SLIT3: variants seen among roughly 807,000 people sequenced by gnomAD.
The protein encoded by SLIT3 is slit guidance ligand 3.
Under a neutral mutation model 184.0 loss-of-function variants are expected in SLIT3, and 68 were observed. That is an observed-to-expected ratio of 0.37 (90% confidence interval 0.30 to 0.45). The LOEUF (loss-of-function observed/expected upper bound fraction) is 0.45. Among genes scored for constraint, SLIT3 ranks in the 20% least tolerant of loss-of-function variants. The probability of loss-of-function intolerance (pLI) is 1.00; values close to 1 mark genes in which losing one functional copy is unlikely to be tolerated. For missense variants in SLIT3, 1,707 were observed against 2,026.0 expected, an observed-to-expected ratio of 0.84 and a Z score of 3.02; for synonymous variants, 831 against 828.6, an observed-to-expected ratio of 1.00 and a Z score of -0.05.
intron 4 of SLIT3, among the ~76,000 whole-genome samples, chr5:169,137,402 C>T (rs778221324): frequency 1.5e-4 from 22 of 150,800 alleles, no homozygotes; most frequent in South Asian, 6.4e-4. Context: ...TATCTATTTC[C>T]GGCAAGATCC....
At chr5:169,278,630 A>AC (rs1182882883) in intron 1 of SLIT3, among the ~76,000 whole-genome samples, 9 of 151,910 alleles carry the variant, frequency 5.9e-5, no homozygotes, top group African/African-American at 2.2e-4. Flanking sequence ...ACTTCCTCTG[A>AC]CCCCCCAAGG....
chr5:169,110,498 A>T (rs187469163), intron 4 of SLIT3, among the ~76,000 whole-genome samples: 1 of 152,046 alleles, frequency 6.6e-6, no homozygotes, highest in African/African-American at 2.4e-5. Context: ...TGTCTTGTAG[A>T]AGGCATTCTC....
intron 16 of SLIT3, among the ~76,000 whole-genome samples, chr5:168,760,524 G>A (rs559947679): frequency 2.9e-4 from 44 of 152,216 alleles, no homozygotes; most frequent in African/African-American, 6.0e-4. Flanking sequence ...TTAGATACCC[G>A]TGCCCCATTG....
intron 23 of SLIT3, 32 bp downstream of exon 23, chr5:168,722,224 G>A (rs1416406144): frequency 1.9e-6 from 3 of 1,603,998 alleles, no homozygotes; most frequent in Non-Finnish European, 1.7e-6. Context: ...TCAGCAATGT[G>A]TAAGTCAAAA....
At chr5:168,694,589 CTCTG>C (rs1283460471) in intron 28 of SLIT3, among the ~76,000 whole-genome samples, 4 of 152,162 alleles carry the variant, frequency 2.6e-5, no homozygotes, top group Admixed American at 1.3e-4. Context: ...TTCTCTCTCT[CTCTG>C]TCTCTCTCTC....
rs188336140 is a variant in SLIT3, at chr5:169,135,504, T to C, written c.413+57975A>G. On this transcript the variant is annotated intron_variant, in intron 4 of 35. Transcript: ENST00000519560. The stretch of plus-strand genomic sequence containing the variant: ...TGTTAGCACAAATACTTTCAAAACA[T>C]GAAATAGCACAGAAACTAGCAGGAA... Among the ~76,000 whole-genome samples, 3 of 152,140 alleles carry C rather than the reference T, an allele frequency of 2.0e-5. No homozygotes were observed. The East Asian group carries it at 5.8e-4, about 29-fold the overall frequency.
rs115619904 is a variant in SLIT3 at position 168,752,834 on chromosome 5, C to T, written c.1973+121G>A. 7.8e-4 allele frequency: 778 copies of T among 994,136 alleles called. 2 individuals are homozygous for T. The African/African-American group carries it at 8.1e-3, about 10-fold the overall frequency. The allele number at this position is 994,136 out of a possible 1,614,324, so 61.6% of individuals were successfully genotyped here. ...TGCCTGGCACATACAGAAAGCCTGA[C>T]GAGTTTTTAAGTGGACAGACAGATA... On this transcript the variant is annotated intron_variant, in intron 18 of 35. Transcript: ENST00000519560.
intron 4 of SLIT3, among the ~76,000 whole-genome samples, chr5:169,077,878 AT>A (rs1192158378): frequency 1.3e-5 from 2 of 152,096 alleles, no homozygotes; most frequent in East Asian, 1.9e-4. Context: ...TTGTAAAAAA[AT>A]ATTATTTTAA....
At chr5:169,210,413 G>C (rs1224938073) in intron 3 of SLIT3, among the ~76,000 whole-genome samples, 1 of 152,134 alleles carries the variant, frequency 6.6e-6, no homozygotes, top group Non-Finnish European at 1.5e-5. Context: ...AAAAAGAAAG[G>C]AAGTTGACTT....
intron 14 of SLIT3, among the ~76,000 whole-genome samples, chr5:168,762,967 C>A (rs568540105): frequency 3.0e-4 from 46 of 152,194 alleles, no homozygotes; most frequent in Non-Finnish European, 6.6e-4. Context: ...TTGGGGGTCA[C>A]AGACGTTTTT....
intron 25 of SLIT3, among the ~76,000 whole-genome samples, chr5:168,709,133 C>G (rs1238932818): frequency 1.3e-5 from 2 of 148,812 alleles, no homozygotes; most frequent in East Asian, 2.0e-4. Flanking sequence ...GAGTCTCACT[C>G]TGTTGCCCAG....
At chr5:169,244,881 C>T (rs975738577) in intron 2 of SLIT3, 105 bp from the exon 3 acceptor site, 15 of 926,380 alleles carry the variant, frequency 1.6e-5, no homozygotes, top group East Asian at 1.2e-4. Context: ...TTCCCATGAT[C>T]GTCAGTGTCC....
chr5:168,744,706 A>G lies in SLIT3; in HGVS notation c.2270+3596T>C, dbSNP rs139729596. On this transcript the variant is annotated intron_variant, in intron 20 of 35. Transcript: ENST00000519560. ...GGATGATGGCATGTCTGTTTATGGC[A>G]TATTTTGCTGAATATTTTAAGCCCA... is the stretch of plus-strand genomic sequence containing the variant. Among the ~76,000 whole-genome samples, 1,498 of 152,346 alleles carry G rather than the reference A, an allele frequency of 9.8e-3. 11 individuals carry two copies. The highest frequency in any genetic ancestry group is 0.031 in the Middle Eastern group (9 of 294).
intron 1 of SLIT3, among the ~76,000 whole-genome samples, chr5:169,273,966 C>A (rs150509785): frequency 6.6e-6 from 1 of 152,164 alleles, no homozygotes; most frequent in African/African-American, 2.4e-5. Flanking sequence ...AATCAAGCAA[C>A]CTTGTACCAG....
At chr5:169,257,967 C>G (rs1451417548) in intron 1 of SLIT3, among the ~76,000 whole-genome samples, 1 of 152,112 alleles carries the variant, frequency 6.6e-6, no homozygotes, top group Non-Finnish European at 1.5e-5. Flanking sequence ...TTTGCTGGAC[C>G]CATACTACGC....
chr5:168,836,206 TC>T (rs1758048845), intron 6 of SLIT3, among the ~76,000 whole-genome samples: 1 of 152,200 alleles, frequency 6.6e-6, no homozygotes, highest in Admixed American at 6.5e-5. Flanking sequence ...ATCTTGGGCA[TC>T]CCTGGTGGGA....
chr5:169,229,214 ATTTTT>A (rs72344992), intron 3 of SLIT3, among the ~76,000 whole-genome samples: 201 of 150,572 alleles, frequency 1.3e-3, no homozygotes, highest in African/African-American at 4.6e-3. Flanking sequence ...TCCTTCAGCT[ATTTTT>A]TTTTTCCAAA....
At chr5:169,049,186 C>G (rs1007430111) in intron 4 of SLIT3, among the ~76,000 whole-genome samples, 1 of 152,042 alleles carries the variant, frequency 6.6e-6, no homozygotes, top group African/African-American at 2.4e-5. Context: ...ATTACACTGG[C>G]CCCAGTATAC....
intron 3 of SLIT3, among the ~76,000 whole-genome samples, chr5:169,224,376 TATTTA>T (rs1764723063): frequency 1.2e-5 from 1 of 80,116 alleles, no homozygotes; most frequent in South Asian, 3.2e-4. Context: ...ATTATTTATT[TATTTA>T]TTTATTTTTT....
Sources: allele counts gnomAD v4.1 joint callset (sites outside exome capture counted in the v4.1 genomes callset), GRCh38; gene constraint gnomAD v4.1.1; transcripts MANE v1.5; gene names NCBI Gene and HGNC (gene_info 2026-07-23, HGNC 2026-07-21).